The following ARSG variants were observed in gnomAD, a reference collection of about 807,000 sequenced individuals.
ARSG encodes ASG.
A neutral mutation model predicts 50.5 loss-of-function variants in ARSG; 37 were observed. The observed-to-expected ratio is 0.73, with a 90% confidence interval of 0.56 to 0.96. The LOEUF (loss-of-function observed/expected upper bound fraction) is 0.96. Ranked by LOEUF, ARSG falls within the 50% of genes least tolerant of loss-of-function variation. The pLI, the probability that ARSG is intolerant of heterozygous loss-of-function variation, is 0.00. For synonymous variants in ARSG, 225 were observed against 254.6 expected (o/e 0.88, Z 1.11); for missense variants, 629 against 675.3 (o/e 0.93, Z 0.76).
At chr17:68,451,063 C>T in the ARSG span, among the ~76,000 whole-genome samples, 1 of 152,248 alleles carries the variant, frequency 6.6e-6, no homozygotes, top group Non-Finnish European at 1.5e-5. Context: ...ACCATGCCCC[C>T]CACCCTGCCA....
intron 1 of ARSG, among the ~76,000 whole-genome samples, chr17:68,264,258 A>G (rs184175638): frequency 1.4e-3 from 213 of 152,366 alleles, no homozygotes; most frequent in Middle Eastern, 3.4e-3. Context: ...CTGCGCCACA[A>G]GAATGCTGAC....
At chr17:68,296,522 G>C (rs578256833) in intron 1 of ARSG, among the ~76,000 whole-genome samples, 45 of 151,488 alleles carry the variant, frequency 3.0e-4, no homozygotes, top group African/African-American at 1.1e-3. Context: ...GCAGGATTGT[G>C]TTGTGGGCAA....
intron 1 of ARSG, chr17:68,272,585 C>T: frequency 6.3e-7 from 1 of 1,594,016 alleles, no homozygotes; most frequent in Non-Finnish European, 8.6e-7. Flanking sequence ...AGCAAGAATA[C>T]CTGAGTGACG....
rs2075354428 is a variant in ARSG at position 68,271,941 on chromosome 17, T to A, written c.-552+12515T>A. On this transcript the variant is annotated intron_variant, in intron 1 of 11. Transcript: ENST00000448504. This position sits in a 1 kb window ranked among gnomAD's most constrained non-coding sequence, Gnocchi z 5.3. ...CCTCAGCCTCCTGAGTAGCTGGGAC[T>A]ATAGGCGTGCGCCACCACGACCAGC... is the stretch of plus-strand genomic sequence containing the variant. Among the ~76,000 whole-genome samples, 1 of 152,216 alleles carries A rather than the reference T, an allele frequency of 6.6e-6. No individual in the cohort carries two copies. Among genetic ancestry groups the A allele is most frequent in the Non-Finnish European group, 1.5e-5 (1 of 68,046 alleles).
intron 11 of ARSG, among the ~76,000 whole-genome samples, chr17:68,403,109 G>C (rs2081549819): frequency 6.6e-6 from 1 of 152,070 alleles, no homozygotes; most frequent in Non-Finnish European, 1.5e-5. Context: ...ATGACTTGAG[G>C]GGTATTAAAA....
At position 68,345,452 on chromosome 17, in the gene ARSG, T is replaced by C. The variant is rs114580281; in HGVS notation, c.406+1661T>C. Among the ~76,000 whole-genome samples the C allele has an allele frequency of 2.1e-3, 316 of 152,322 alleles. 2 individuals are homozygous for C. The highest frequency in any genetic ancestry group is 7.2e-3 in the African/African-American group (300 of 41,586). On this transcript the variant is annotated intron_variant, in intron 3 of 11. Transcript: ENST00000621439. The stretch of plus-strand genomic sequence containing the variant: ...TCACTGGCCCCTCCGTCTTCATGCC[T>C]TTAAACTCCCAGTAAGCAACTGTTT...
At chr17:68,270,730 C>T (rs1187611442) in intron 1 of ARSG, 3 of 949,512 alleles carry the variant, frequency 3.2e-6, no homozygotes, top group Non-Finnish European at 4.7e-6. Flanking sequence ...CTCTAAAATT[C>T]AATGGAAATA....
intron 2 of ARSG, among the ~76,000 whole-genome samples, chr17:68,343,108 G>A (rs972205558): frequency 6.6e-6 from 1 of 152,074 alleles, no homozygotes; most frequent in African/African-American, 2.4e-5. Context: ...TTGCCTCTCT[G>A]GGTTTCTTTT....
At position 68,272,683 on chromosome 17, in the gene ARSG, A is replaced by G. The variant is rs1164626510; in HGVS notation, c.-552+13257A>G. 11 of 1,614,048 alleles carry G rather than the reference A, an allele frequency of 6.8e-6. No homozygotes were observed. The Admixed American group carries it at 8.3e-5, about 12-fold the overall frequency. ...AGCGAAACATTCTCCTGTGGAAGCAACTGCAGTGACTATGGAACGTCTTTT... is the reference window on the plus strand; with the variant it reads ...AGCGAAACATTCTCCTGTGGAAGCAGCTGCAGTGACTATGGAACGTCTTTT... On this transcript the variant is annotated intron_variant, in intron 1 of 11. Coordinates refer to the ARSG transcript ENST00000448504.
intron 2 of ARSG, among the ~76,000 whole-genome samples, chr17:68,335,035 C>T (rs1201797911): frequency 6.6e-6 from 1 of 152,108 alleles, no homozygotes; most frequent in Non-Finnish European, 1.5e-5. Context: ...CTCACTCTGT[C>T]ACCCAGGTTG....
chr17:68,280,138 C>T (rs1196185451), intron 1 of ARSG, among the ~76,000 whole-genome samples: 2 of 141,822 alleles, frequency 1.4e-5, no homozygotes, highest in Non-Finnish European at 1.5e-5. Flanking sequence ...GCTGAGACTG[C>T]ACCACTGCAC....
intron 1 of ARSG, among the ~76,000 whole-genome samples, chr17:68,284,318 C>T (rs1294606642): frequency 6.6e-6 from 1 of 151,254 alleles, no homozygotes; most frequent in South Asian, 2.1e-4. Context: ...CACTTGAACC[C>T]GGGAGGCAGA....
intron 11 of ARSG, among the ~76,000 whole-genome samples, chr17:68,417,818 G>GCTCGCTGCAAC (rs1356935135): frequency 7.9e-6 from 1 of 126,614 alleles, no homozygotes; most frequent in Admixed American, 1.1e-4. Flanking sequence ...CACGATCTCG[G>GCTCGCTGCAAC]CTCCCAGGTT....
chr17:68,362,821 G>T, intron 6 of ARSG, among the ~76,000 whole-genome samples: 2 of 152,088 alleles, frequency 1.3e-5, no homozygotes, highest in Admixed American at 6.6e-5. Flanking sequence ...TTATATTTTA[G>T]TTGCCTTTTT....
downstream of ARSG, chr17:68,427,064 G>A (rs1261052984): frequency 1.5e-5 from 19 of 1,273,702 alleles, no homozygotes; most frequent in East Asian, 4.4e-4. Flanking sequence ...GGAAGGGGAG[G>A]GAGCGTGCAG....
At chr17:68,444,545 A>C in the ARSG span, 1 of 1,614,076 alleles carries the variant, frequency 6.2e-7, no homozygotes, top group Non-Finnish European at 8.5e-7. Context: ...TCATGTCTTT[A>C]ATGTTGTGAA....
At chr17:68,291,765 G>C (rs1487196105) in intron 1 of ARSG, among the ~76,000 whole-genome samples, 197 bp downstream of exon 1, 1 of 151,474 alleles carries the variant, frequency 6.6e-6, no homozygotes, top group Admixed American at 6.6e-5. Flanking sequence ...GGAGCACCTC[G>C]GCCAGGCGCG....
chr17:68,430,980 C>T, the ARSG span, among the ~76,000 whole-genome samples: 3 of 152,276 alleles, frequency 2.0e-5, no homozygotes, highest in South Asian at 4.1e-4. Context: ...GGACAAACCT[C>T]TCTGGGCCTT....
chr17:68,315,833 A>G (rs144752446), intron 2 of ARSG, among the ~76,000 whole-genome samples: 430 of 152,076 alleles, frequency 2.8e-3, no homozygotes, highest in Non-Finnish European at 5.2e-3. Context: ...GCATTTCACC[A>G]TGTTGGCCAG....
Sources: allele counts gnomAD v4.1 joint callset (sites outside exome capture counted in the v4.1 genomes callset), GRCh38; gene constraint gnomAD v4.1.1; non-coding constraint Gnocchi (gnomAD v3.1); transcripts MANE v1.5; gene names NCBI Gene and HGNC (gene_info 2026-07-23, HGNC 2026-07-21).